The following BCAR1 variants were observed in gnomAD, a reference collection of about 807,000 sequenced individuals.
The protein encoded by BCAR1 is breast cancer anti-estrogen resistance protein 1.
Under a neutral mutation model 67.6 loss-of-function variants are expected in BCAR1, and 30 were observed. That is an observed-to-expected ratio of 0.44 (90% CI 0.33 to 0.60). The LOEUF is 0.60. Ranked by LOEUF, BCAR1 falls within the 20% of genes least tolerant of loss-of-function variation. The pLI is 0.02. For synonymous variants in BCAR1, 626 were observed against 556.7 expected (o/e 1.12, Z -1.75); for missense variants, 1,313 against 1,222.3 (o/e 1.07, Z -1.11).
At chr16:75,266,967 C>G (rs1253419932) in intron 1 of BCAR1, among the ~76,000 whole-genome samples, 1 of 152,134 alleles carries the variant, frequency 6.6e-6, no homozygotes, top group Non-Finnish European at 1.5e-5. Context: ...GGGGGGCGGG[C>G]CCTTCTGCCT....
chr16:75,237,107 C>A (rs1355672275), intron 3 of BCAR1, 76 bp downstream of exon 3: 21 of 1,505,224 alleles, frequency 1.4e-5, no homozygotes, highest in Middle Eastern at 2.0e-4. Flanking sequence ...TGAGAAGATG[C>A]AGCTCTCGGC....
chr16:75,229,171 C>T lies in BCAR1; in HGVS notation c.*340G>A, dbSNP rs1490195821. ...ACTGCACTGGCCCTGTCAGGGGACA[C>T]GGCACCCTCGTGGGACCAGGCTCAG... On this transcript the variant is annotated 3_prime_UTR_variant, in exon 7 of 7. Coordinates refer to ENST00000162330, the MANE Select transcript of BCAR1 (RefSeq NM_014567.5). 14 of 271,724 alleles carry T rather than the reference C, an allele frequency of 5.2e-5. No individual in the cohort carries two copies. Among genetic ancestry groups the T allele is most frequent in the Middle Eastern group, 1.1e-3 (1 of 916 alleles). 16.8% of individuals were successfully genotyped at this position (271,724 alleles called of 1,614,324 possible).
At chr16:75,240,307 G>A (rs2077295023) in intron 2 of BCAR1, among the ~76,000 whole-genome samples, 1 of 152,202 alleles carries the variant, frequency 6.6e-6, no homozygotes, top group Admixed American at 6.5e-5. Context: ...CAGGCCTGAG[G>A]CTTGGAGGGG....
rs1324543654 is a variant in BCAR1 at position 75,235,529 on chromosome 16, T to G, written c.1370A>C (p.Glu457Ala). 3 of 1,595,404 alleles carry G rather than the reference T, an allele frequency of 1.9e-6. No individual in the cohort carries two copies. The highest frequency in any genetic ancestry group is 1.1e-5 in the South Asian group (1 of 88,892). ...AGPGREPLEL[E>A]VAVEALARLQ... is the part of the protein sequence containing the mutation. ...CCGTGCCAGGGCCTCCACAGCAACT[T>G]CCAGCTCCAGGGGTTCCCGGCCCGG... Residue 457 changes from glutamate to alanine, a missense_variant, in exon 5 of 7, where the codon GAA (glutamate) becomes GCA (alanine). Transcript: ENST00000162330.
chr16:75,265,665 C>G (rs1429563611), intron 1 of BCAR1, among the ~76,000 whole-genome samples: 1 of 151,838 alleles, frequency 6.6e-6, no homozygotes, highest in East Asian at 1.9e-4. Flanking sequence ...CTTGGGGGAG[C>G]CTCCCCCAGC....
intron 1 of BCAR1, chr16:75,265,946 C>T (rs1380993967): frequency 2.8e-6 from 3 of 1,084,122 alleles, no homozygotes; most frequent in Non-Finnish European, 3.4e-6. Context: ...CTTTCCGGCT[C>T]CTCCGGCTCC....
In BCAR1 at chr16:75,251,014, T is replaced by C. The variant is rs941762712; in HGVS notation, c.12+457A>G. On this transcript the variant is annotated intron_variant, in intron 1 of 6. Transcript: ENST00000162330. ...GCGCCACGCACTTGCCCGCCCGGCC[T>C]CGGTCCCCCGGAGCTCCTCCCTCTC... 1.7e-5 allele frequency: 17 copies of C among 983,304 alleles called. No homozygotes were observed. In the African/African-American group the frequency reaches 3.0e-4, roughly 17 times the overall value. 60.9% of individuals were successfully genotyped at this position (983,304 alleles called of 1,614,324 possible).
At chr16:75,244,043 G>C (rs1431581870) in intron 1 of BCAR1, among the ~76,000 whole-genome samples, 1 of 152,226 alleles carries the variant, frequency 6.6e-6, no homozygotes, top group Non-Finnish European at 1.5e-5. Flanking sequence ...GCAGAGGGCT[G>C]CATGGGTTCC....
At chr16:75,243,935 G>A (rs2077435749) in intron 1 of BCAR1, among the ~76,000 whole-genome samples, 1 of 152,258 alleles carries the variant, frequency 6.6e-6, no homozygotes, top group African/African-American at 2.4e-5. Flanking sequence ...GAGAGACAGA[G>A]GATCCCTGGC....
At position 75,236,957 on chromosome 16, in the gene BCAR1, G is replaced by A; in HGVS notation, c.837C>T (p.Gly279=). The change falls in exon 4 of 7, where the codon GGC becomes GGT. Residue 279 remains glycine (G), a synonymous_variant. Coordinates refer to ENST00000162330, the MANE Select transcript of BCAR1 (RefSeq NM_014567.5). ...TPPMAVKGPN[G]RDPLLEVYDV... ...CATACACCTCCAGCAACGGGTCTCG[G>A]CCATTGGGACCCTTGACAGCCATGG... 6.2e-7 allele frequency: 1 copy of A among 1,611,196 alleles called. No individual in the cohort carries two copies. The highest frequency in any genetic ancestry group is 8.5e-7 in the Non-Finnish European group (1 of 1,178,802).
rs780765772 is a variant in BCAR1, at chr16:75,237,298, G to C, written c.680C>G (p.Ala227Gly). ...GTCGTACTCGTCCTGCTCCGGCTGG[G>C]CGGCCTCGTATACATAGCCCTGCCC... is the stretch of plus-strand genomic sequence containing the variant. ...RVGQGYVYEA[A>G]QPEQDEYDIP... The change falls in exon 3 of 7, where the codon GCC becomes GGC. Residue 227 changes from alanine to glycine, a missense_variant. Physicochemically the swap from Ala to Gly is moderately conservative, Grantham distance 60. Coordinates refer to ENST00000162330, the MANE Select transcript of BCAR1 (RefSeq NM_014567.5). 89 of 1,522,514 alleles carry C rather than the reference G, an allele frequency of 5.8e-5. No homozygotes were observed. Among genetic ancestry groups the C allele is most frequent in the Non-Finnish European group, 7.7e-5 (88 of 1,138,866 alleles). The allele number at this position is 1,522,514 out of a possible 1,614,324, so 94.3% of individuals were successfully genotyped here. A position where few individuals can be genotyped will look rare whatever the true frequency, so the allele number is the denominator to read the frequency against.
chr16:75,241,068 G>A (rs370469365), intron 2 of BCAR1, among the ~76,000 whole-genome samples: 38 of 152,392 alleles, frequency 2.5e-4, no homozygotes, highest in Admixed American at 1.4e-3. Context: ...CTGTGTGTGC[G>A]TGTGCATACG....
chr16:75,242,206 G>A (rs2077364951), intron 2 of BCAR1, among the ~76,000 whole-genome samples: 1 of 152,238 alleles, frequency 6.6e-6, no homozygotes, highest in Non-Finnish European at 1.5e-5. Flanking sequence ...GCCTCAACAG[G>A]CTGCTCCCTG....
intron 1 of BCAR1, chr16:75,266,128 TC>T (rs1018951478): frequency 2.7e-6 from 2 of 733,700 alleles, no homozygotes; most frequent in Admixed American, 1.2e-4. Context: ...TCTCCTCCGC[TC>T]CTCGCCGATC....
In BCAR1 at chr16:75,236,929, C is replaced by T. The variant is rs370653589; in HGVS notation, c.865G>A (p.Val289Met). ...AGGCCCTTCTCCACACTGGGGGGCA[C>T]GTCATACACCTCCAGCAACGGGTCT... ...GRDPLLEVYD[V>M]PPSVEKGLPP... is the part of the protein sequence containing the mutation. Residue 289 changes from valine (V) to methionine (M), a missense_variant, in exon 4 of 7, where the codon GTG (valine) becomes ATG (methionine). By Grantham distance (21) the Val-to-Met change is conservative. This residue lies in a region of BCAR1 where 1,272 missense variants were observed against 1,137.5 expected (regional missense o/e 1.12). Transcript: ENST00000162330. 22 of 1,612,806 alleles carry T rather than the reference C, an allele frequency of 1.4e-5. No homozygotes were observed. The highest frequency in any genetic ancestry group is 8.0e-5 in the African/African-American group (6 of 75,026).
chr16:75,251,214 C>T (rs1343842779), intron 1 of BCAR1, among the ~76,000 whole-genome samples: 1 of 152,060 alleles, frequency 6.6e-6, no homozygotes, highest in East Asian at 1.9e-4. Flanking sequence ...ACTTTCCCGA[C>T]ACAGGAACCC....
chr16:75,266,957 G>A (rs529598196), intron 1 of BCAR1: 2 of 213,612 alleles, frequency 9.4e-6, no homozygotes, highest in South Asian at 1.7e-4. Flanking sequence ...GTGCCCATGT[G>A]GGGGGCGGGC....
chr16:75,229,288 G>A lies in BCAR1; in HGVS notation c.*223C>T, dbSNP rs2151382888. 4 of 684,608 alleles carry A rather than the reference G, an allele frequency of 5.8e-6. No homozygotes were observed. The East Asian group carries it at 1.2e-4, about 21-fold the overall frequency. 42.4% of individuals were successfully genotyped at this position (684,608 alleles called of 1,614,324 possible). A position where few individuals can be genotyped will look rare whatever the true frequency, so the allele number is the denominator to read the frequency against. On this transcript the variant is annotated 3_prime_UTR_variant, in exon 7 of 7. Coordinates refer to ENST00000162330, the MANE Select transcript of BCAR1 (RefSeq NM_014567.5). ...AACCCGGGCCCGTGGTGCATGCTGGGGAAGGCCACTGGCCGGCCCCTGGGC... is the reference window on the plus strand; with the variant it reads ...AACCCGGGCCCGTGGTGCATGCTGGAGAAGGCCACTGGCCGGCCCCTGGGC...
chr16:75,241,463 GA>G (rs2077338723), intron 2 of BCAR1, among the ~76,000 whole-genome samples: 1 of 152,096 alleles, frequency 6.6e-6, no homozygotes, highest in African/African-American at 2.4e-5. Flanking sequence ...CTCCCCAGGG[GA>G]TAACAGGACC....
Sources: allele counts gnomAD v4.1 joint callset (sites outside exome capture counted in the v4.1 genomes callset), GRCh38; gene constraint gnomAD v4.1.1; regional missense constraint gnomAD v4.1.1; transcripts MANE v1.5; gene names NCBI Gene and HGNC (gene_info 2026-07-23, HGNC 2026-07-21).